TBC1D31: variants seen among roughly 807,000 people sequenced by gnomAD.
The protein encoded by TBC1D31 is WD repeat domain 67.
Under a neutral mutation model 132.9 loss-of-function variants are expected in TBC1D31, and 99 were observed. The ratio of observed to expected loss-of-function variants is 0.74; its 90% confidence interval spans 0.63 to 0.88. The LOEUF (loss-of-function observed/expected upper bound fraction) is 0.88. TBC1D31 is among the 40% of genes least tolerant of loss of function. The probability of loss-of-function intolerance (pLI) is 0.00; values close to 1 mark genes in which losing one functional copy is unlikely to be tolerated. For synonymous variants in TBC1D31, 385 were observed against 419.4 expected, an observed-to-expected ratio of 0.92 and a Z score of 1.00; for missense variants, 1,134 against 1,256.6, an observed-to-expected ratio of 0.90 and a Z score of 1.48.
intron 7 of TBC1D31, chr8:123,104,095 C>T (rs552358660): frequency 6.6e-6 from 1 of 152,200 alleles, no homozygotes; most frequent in Non-Finnish European, 1.5e-5. Context: ...GGTTGTTTCT[C>T]AGGTTCTTTT....
intron 8 of TBC1D31, among the ~76,000 whole-genome samples, chr8:123,108,567 G>A (rs370926249): frequency 6.6e-5 from 10 of 152,126 alleles, no homozygotes; most frequent in Non-Finnish European, 8.8e-5. Flanking sequence ...GATGACAGCC[G>A]ATGGGCCTAA....
chr8:123,161,475 C>T, the TBC1D31 span, among the ~76,000 whole-genome samples: 1 of 152,216 alleles, frequency 6.6e-6, no homozygotes, highest in Admixed American at 6.5e-5. Flanking sequence ...GAAAGCGAAA[C>T]TCAAACTCAA....
the TBC1D31 span, among the ~76,000 whole-genome samples, chr8:123,163,999 A>G: frequency 6.6e-6 from 1 of 151,948 alleles, no homozygotes; most frequent in Non-Finnish European, 1.5e-5. Context: ...CCTCTAATCT[A>G]TTTTCCATCT....
Position 123,114,936 on chromosome 8 carries a change from G to C in TBC1D31, c.1437-5119G>C, listed in dbSNP as rs77485014. 4.3e-3 allele frequency among the ~76,000 whole-genome samples: 655 copies of C among 152,176 alleles called. 6 individuals are homozygous for C. Among genetic ancestry groups the C allele is most frequent in the African/African-American group, 0.015 (619 of 41,498 alleles). On this transcript the variant is annotated intron_variant, in intron 10 of 21. Transcript: ENST00000287380. ...GACCTCTTTCTCTCAGTATATGTAGGTTTACTTCTTTCTAAAAAATGCACA... is the reference window on the plus strand; with the variant it reads ...GACCTCTTTCTCTCAGTATATGTAGCTTTACTTCTTTCTAAAAAATGCACA...
At chr8:123,119,189 C>T (rs989504679) in intron 10 of TBC1D31, among the ~76,000 whole-genome samples, 3 of 152,094 alleles carry the variant, frequency 2.0e-5, no homozygotes, top group African/African-American at 7.2e-5. Flanking sequence ...TCCCTTTACG[C>T]GAGTCATAGG....
intron 4 of TBC1D31, among the ~76,000 whole-genome samples, chr8:123,084,647 G>A (rs907499947): frequency 1.3e-5 from 2 of 152,176 alleles, no homozygotes; most frequent in African/African-American, 4.8e-5. Flanking sequence ...GAAACATGCA[G>A]TAGATTTGTG....
intron 18 of TBC1D31, 46 bp downstream of exon 18, chr8:123,140,947 A>G (rs774240468): frequency 1.9e-6 from 3 of 1,556,100 alleles, no homozygotes; most frequent in Non-Finnish European, 1.8e-6. Flanking sequence ...AGAAATTTTC[A>G]TCTGTCACCC....
At chr8:123,141,644 T>G (rs1420460272) in intron 18 of TBC1D31, among the ~76,000 whole-genome samples, 3 of 152,150 alleles carry the variant, frequency 2.0e-5, no homozygotes, top group Non-Finnish European at 4.4e-5. Flanking sequence ...AGATACCTTC[T>G]GTTGTACAAC....
At chr8:123,160,355 A>C in the TBC1D31 span, among the ~76,000 whole-genome samples, 2 of 152,164 alleles carry the variant, frequency 1.3e-5, no homozygotes, top group Non-Finnish European at 2.9e-5. Context: ...TCTATAAGCT[A>C]TTTAAATGTT....
chr8:123,133,582 C>T (rs928148523), intron 16 of TBC1D31, among the ~76,000 whole-genome samples: 5 of 152,158 alleles, frequency 3.3e-5, no homozygotes, highest in African/African-American at 1.2e-4. Context: ...TATCCAAAGC[C>T]TCTAGTATAT....
At chr8:123,157,791 A>T in the TBC1D31 span, among the ~76,000 whole-genome samples, 2 of 150,700 alleles carry the variant, frequency 1.3e-5, no homozygotes, top group African/African-American at 4.9e-5. Flanking sequence ...CAGTCCCCGG[A>T]CTCCTCCCGG....
chr8:123,161,653 A>G, the TBC1D31 span, among the ~76,000 whole-genome samples: 1 of 152,206 alleles, frequency 6.6e-6, no homozygotes, highest in Non-Finnish European at 1.5e-5. Context: ...CAATTGCAAA[A>G]GACGTAATTA....
chr8:123,158,773 G>A, the TBC1D31 span, among the ~76,000 whole-genome samples: 1 of 152,108 alleles, frequency 6.6e-6, no homozygotes. Context: ...CGGAGTGGAT[G>A]GGGGTGGGGC....
At chr8:123,145,512 G>A (rs1429948380) in intron 20 of TBC1D31, among the ~76,000 whole-genome samples, 3 of 152,018 alleles carry the variant, frequency 2.0e-5, no homozygotes, top group Non-Finnish European at 4.4e-5. Context: ...TCCAACATTA[G>A]GTTTCGATAC....
intron 1 of TBC1D31, chr8:123,073,456 T>C (rs2130563903): frequency 2.2e-6 from 1 of 455,014 alleles, no homozygotes; most frequent in South Asian, 1.6e-5. Context: ...GGGCGTTCAT[T>C]ATGCATTGCT....
intron 20 of TBC1D31, among the ~76,000 whole-genome samples, chr8:123,149,139 C>T (rs745359755): frequency 2.6e-5 from 4 of 152,152 alleles, no homozygotes; most frequent in African/African-American, 7.2e-5. Context: ...CCGCAGAAAC[C>T]GTTCTCTGGA....
chr8:123,077,136 A>C lies in TBC1D31; in HGVS notation c.103A>C (p.Thr35Pro). 1 of 1,611,540 alleles carries C rather than the reference A, an allele frequency of 6.2e-7. No homozygotes were observed. The highest frequency in any genetic ancestry group is 8.5e-7 in the Non-Finnish European group (1 of 1,179,128). ...AATTATAGTGAACATTATTCACAAC[A>C]CTTCCGATTACCATCCAAAAGTTTT... Reference protein sequence around the residue: ...DGIIVNIIHNTSDYHPKVLRF... With the variant: ...DGIIVNIIHNPSDYHPKVLRF... Residue 35 changes from threonine to proline, a missense_variant, in exon 2 of 22, where the codon ACT (threonine) becomes CCT (proline). Coordinates refer to ENST00000287380, the MANE Select transcript of TBC1D31 (RefSeq NM_145647.4).
chr8:123,106,292 C>A (rs1410267349), intron 8 of TBC1D31, among the ~76,000 whole-genome samples: 1 of 152,194 alleles, frequency 6.6e-6, no homozygotes, highest in Non-Finnish European at 1.5e-5. Flanking sequence ...TTCCACCTGG[C>A]ACATGACCAT....
Position 123,132,995 on chromosome 8 carries a change from A to T in TBC1D31, c.2407-1119A>T, listed in dbSNP as rs1820768273. ...TCTATAGACTCCTTTCAGCAACATG[A>T]TCTGGCCTCCGCCTACCCTTGCAGC... is the stretch of plus-strand genomic sequence containing the variant. On this transcript the variant is annotated intron_variant, in intron 16 of 21. Coordinates refer to ENST00000287380, the MANE Select transcript of TBC1D31 (RefSeq NM_145647.4). Among the ~76,000 whole-genome samples, 6 of 152,104 alleles carry T rather than the reference A, an allele frequency of 3.9e-5. No individual in the cohort carries two copies. In the South Asian group the frequency reaches 1.2e-3, roughly 32 times the overall value.
Sources: gnomAD v4.1 joint callset for allele counts (sites outside exome capture counted in the v4.1 genomes callset) on GRCh38, gnomAD v4.1.1 for gene constraint, MANE v1.5 for transcripts, NCBI Gene and HGNC (gene_info 2026-07-23, HGNC 2026-07-21) for gene names.